Variants in ZFP64 observed in about 807,000 individuals in gnomAD.
ZFP64 encodes zinc finger protein 64.
A neutral mutation model predicts 51.6 loss-of-function variants in ZFP64; 14 were observed. The observed-to-expected ratio is 0.27, with a 90% CI of 0.18 to 0.42. The LOEUF is 0.42. ZFP64 is among the 10% of genes least tolerant of loss of function. The pLI, the probability that ZFP64 is intolerant of heterozygous loss-of-function variation, is 1.00. For missense variants in ZFP64, 754 were observed against 906.8 expected (o/e 0.83, Z 2.16); for synonymous variants, 375 against 361.4 (o/e 1.04, Z -0.43).
chr20:52,160,407 G>C lies in ZFP64; in HGVS notation c.512-33C>G, dbSNP rs1274279657. 1.9e-6 allele frequency: 3 copies of C among 1,564,596 alleles called. No individual in the cohort carries two copies. The East Asian group carries it at 6.8e-5, about 35-fold the overall frequency. ...CACATACACACACAGATGGCAGCAG[G>C]AAACAAGATTAAAAAAGGAAAAGGC... is the stretch of plus-strand genomic sequence containing the variant. On this transcript the variant is annotated intron_variant, in intron 4 of 5. Transcript: ENST00000216923. The surrounding 1 kb of genome is among the most constrained non-coding windows in gnomAD (Gnocchi z 4.2).
chr20:52,127,499 C>G (rs572299021), intron 5 of ZFP64, among the ~76,000 whole-genome samples: 7 of 152,232 alleles, frequency 4.6e-5, no homozygotes, highest in Admixed American at 2.6e-4. Context: ...GGGGCTCTTC[C>G]CCTTTCACTC....
rs577323168 is a variant in ZFP64, at chr20:52,091,777, T to C, written c.977-3134A>G. Among the ~76,000 whole-genome samples, 10 of 149,596 alleles carry C rather than the reference T, an allele frequency of 6.7e-5. No individual in the cohort carries two copies. In the South Asian group the frequency reaches 2.2e-3, roughly 34 times the overall value. ...CCAAGGCAGGCAGATCACCTGAGCT[T>C]GGGAGTTCGAGACCAACCTGACCAA... On this transcript the variant is annotated intron_variant, in intron 7 of 8. Coordinates refer to the ZFP64 transcript ENST00000361387.
At chr20:52,140,742 G>A (rs1426180800) in intron 5 of ZFP64, among the ~76,000 whole-genome samples, 1 of 152,160 alleles carries the variant, frequency 6.6e-6, no homozygotes, top group African/African-American at 2.4e-5. Context: ...GTTGATGAAG[G>A]AGGCTACACT....
intron 4 of ZFP64, among the ~76,000 whole-genome samples, chr20:52,162,074 G>T (rs1480421742): frequency 3.9e-5 from 6 of 152,110 alleles, no homozygotes; most frequent in Non-Finnish European, 7.4e-5. Context: ...GAGGCAGGCA[G>T]ATCACTTGAG....
intron 5 of ZFP64, among the ~76,000 whole-genome samples, chr20:52,106,388 C>A (rs1159731556): frequency 6.6e-6 from 1 of 152,162 alleles, no homozygotes; most frequent in Admixed American, 6.5e-5. Flanking sequence ...ACCTGAGAAT[C>A]ACGTGGGGGC....
rs568743601 is a variant in ZFP64, at chr20:52,100,605, T to C, written c.764-2018A>G. Among the ~76,000 whole-genome samples, 15 of 152,164 alleles carry C rather than the reference T, an allele frequency of 9.9e-5. 1 individual carries two copies. Among genetic ancestry groups the C allele is most frequent in the Admixed American group, 4.6e-4 (7 of 15,276 alleles). ...TTATAGGCCAAGGTCTGGGACTTTCTCTGTCCTAAGGTTATTACAAAAGGT... is the reference window on the plus strand; with the variant it reads ...TTATAGGCCAAGGTCTGGGACTTTCCCTGTCCTAAGGTTATTACAAAAGGT... On this transcript the variant is annotated intron_variant, in intron 5 of 8. Coordinates refer to the ZFP64 transcript ENST00000361387.
chr20:52,151,147 G>A (rs1800024591), downstream of ZFP64: 2 of 701,930 alleles, frequency 2.8e-6, no homozygotes, highest in South Asian at 6.4e-5. Flanking sequence ...GACTGTGGAG[G>A]AGGTAAGATG....
At chr20:52,118,850 G>C (rs1419371139) in intron 5 of ZFP64, among the ~76,000 whole-genome samples, 1 of 150,956 alleles carries the variant, frequency 6.6e-6, no homozygotes, top group East Asian at 1.9e-4. Flanking sequence ...GGCAGGTAAA[G>C]AAGTGAAGTA....
intron 5 of ZFP64, among the ~76,000 whole-genome samples, chr20:52,134,028 CAAAAAAAAA>C (rs59218544): frequency 1.0e-5 from 1 of 97,512 alleles, no homozygotes; most frequent in East Asian, 5.2e-4. Context: ...GATCCTGTCT[CAAAAAAAAA>C]AAAAAAAAAA....
chr20:52,104,898 C>T (rs1484739197), intron 5 of ZFP64: 1 of 673,634 alleles, frequency 1.5e-6, no homozygotes, highest in East Asian at 2.8e-5. Flanking sequence ...TTGACTAGCT[C>T]TTGAGAGGAG....
rs538149981 is a variant in ZFP64 at position 52,152,402 on chromosome 20, C to T, written c.1790G>A (p.Gly597Asp). The change falls in exon 6 of 6, where the codon GGC becomes GAC. Residue 597 changes from glycine (G) to aspartate (D), a missense_variant. Coordinates refer to ENST00000216923, the MANE Select transcript of ZFP64 (RefSeq NM_018197.3). Reference protein sequence around the residue: ...IPTASGGPQEGSGNQTFITSS... With the variant: ...IPTASGGPQEDSGNQTFITSS... The stretch of plus-strand genomic sequence containing the variant: ...GGTAATGAAAGTTTGATTGCCAGAG[C>T]CTTCCTGGGGGCCACCTGAGGCCGT... 24 of 1,614,210 alleles carry T rather than the reference C, an allele frequency of 1.5e-5. No individual in the cohort carries two copies. The highest frequency in any genetic ancestry group is 1.0e-4 in the Admixed American group (6 of 60,030).
intron 5 of ZFP64, among the ~76,000 whole-genome samples, chr20:52,132,069 AT>A (rs772396800): frequency 1.3e-5 from 2 of 152,232 alleles, no homozygotes; most frequent in Non-Finnish European, 2.9e-5. Context: ...AACAAGAGGA[AT>A]TTTGGAAACT....
rs1978790021 is a variant in ZFP64, at chr20:52,115,060, C to CCCACTA, written c.764-16474_764-16473insTAGTGG. 1.2e-4 allele frequency among the ~76,000 whole-genome samples: 18 copies of CCCACTA among 152,014 alleles called. 1 individual carries two copies. The South Asian group carries it at 3.7e-3, about 32-fold the overall frequency. ...AAAATACAAAAACAAAAAAAATTAG[C>CCCACTA]CAGGTATGGTGGTGGGCGCCTGTAG... On this transcript the variant is annotated intron_variant, in intron 5 of 8. Coordinates refer to the ZFP64 transcript ENST00000361387.
chr20:52,115,328 A>T (rs1387423513), intron 5 of ZFP64, among the ~76,000 whole-genome samples: 2 of 152,134 alleles, frequency 1.3e-5, no homozygotes, highest in African/African-American at 4.8e-5. Flanking sequence ...CACATATTCA[A>T]ATATATACAT....
rs1041199263 is a variant in ZFP64, at chr20:52,153,560, C to T, written c.764-132G>A. On this transcript the variant is annotated intron_variant, in intron 5 of 5. Coordinates refer to ENST00000216923, the MANE Select transcript of ZFP64 (RefSeq NM_018197.3). The surrounding 1 kb of genome is among the most constrained non-coding windows in gnomAD (Gnocchi z 5.1). ...ACCTCCTAACTGCAGCTTCTAGCAG[C>T]CCCTGGCAGTGGGGGAAGAGGGGCA... 7.4e-7 allele frequency: 1 copy of T among 1,351,818 alleles called. No homozygotes were observed. The highest frequency in any genetic ancestry group is 9.7e-7 in the Non-Finnish European group (1 of 1,027,316). The allele number at this position is 1,351,818 out of a possible 1,614,324, so 83.7% of individuals were successfully genotyped here. A position where few individuals can be genotyped will look rare whatever the true frequency, so the allele number is the denominator to read the frequency against.
downstream of ZFP64, among the ~76,000 whole-genome samples, chr20:52,147,730 C>T (rs1980590837): frequency 6.6e-6 from 1 of 152,062 alleles, no homozygotes; most frequent in South Asian, 2.1e-4. Flanking sequence ...TAAGAAAACA[C>T]AGGACCGGGC....
At chr20:52,188,868 A>G (rs929238168) in intron 1 of ZFP64, among the ~76,000 whole-genome samples, 2 of 151,840 alleles carry the variant, frequency 1.3e-5, no homozygotes. Context: ...CCCAGCTACT[A>G]GAGAGGCTGA....
At chr20:52,176,711 T>C (rs930517766) in intron 2 of ZFP64, among the ~76,000 whole-genome samples, 2 of 151,470 alleles carry the variant, frequency 1.3e-5, no homozygotes, top group South Asian at 4.2e-4. Context: ...GGGTTTCACC[T>C]TGTTAGCCAG....
rs761578559 is a variant in ZFP64 at position 52,166,035 on chromosome 20, A to G, written c.287-10T>C. On this transcript the variant is annotated splice_polypyrimidine_tract_variant and intron_variant, in intron 2 of 5. Coordinates refer to ENST00000216923, the MANE Select transcript of ZFP64 (RefSeq NM_018197.3). ...AATTCTGGAGCTGAAACTAAAAGAT[A>G]TGGTGATTATTAATTTTCTTAATAT... The G allele has an allele frequency of 1.3e-6, 2 of 1,598,104 alleles. No individual in the cohort carries two copies. The highest frequency in any genetic ancestry group is 1.7e-6 in the Non-Finnish European group (2 of 1,175,166).
Sources: allele counts gnomAD v4.1 joint callset (sites outside exome capture counted in the v4.1 genomes callset), GRCh38; gene constraint gnomAD v4.1.1; non-coding constraint Gnocchi (gnomAD v3.1); transcripts MANE v1.5; gene names NCBI Gene and HGNC (gene_info 2026-07-23, HGNC 2026-07-21).